Variants in KCNMB2 observed in about 807,000 individuals in gnomAD.
KCNMB2 encodes the protein potassium calcium-activated channel subfamily M regulatory beta subunit 2.
In KCNMB2, 9 loss-of-function variants were observed where a neutral mutation model predicts 24.5. That is an observed-to-expected ratio of 0.37 (90% CI 0.22 to 0.64). The LOEUF (loss-of-function observed/expected upper bound fraction) is 0.64. KCNMB2 is among the 30% of genes least tolerant of loss of function. The pLI is 0.63. For synonymous variants in KCNMB2, 109 were observed against 104.4 expected, an observed-to-expected ratio of 1.04 and a Z score of -0.27; for missense variants, 226 against 284.3, an observed-to-expected ratio of 0.79 and a Z score of 1.47.
intron 1 of KCNMB2, among the ~76,000 whole-genome samples, chr3:178,735,533 C>T (rs182450838): frequency 2.8e-4 from 42 of 152,292 alleles, no homozygotes; most frequent in African/African-American, 9.1e-4. Flanking sequence ...TTAAAACAAC[C>T]GAGTTCAAGT....
At chr3:178,765,368 C>T (rs1231641650) in intron 1 of KCNMB2, among the ~76,000 whole-genome samples, 1 of 152,216 alleles carries the variant, frequency 6.6e-6, no homozygotes, top group Non-Finnish European at 1.5e-5. Flanking sequence ...ATACTTACTA[C>T]AGCCTGGCTC....
In KCNMB2 at chr3:178,652,571, A is replaced by G. The variant is rs541898977; in HGVS notation, c.-68+115860A>G. 5.9e-5 allele frequency among the ~76,000 whole-genome samples: 9 copies of G among 152,140 alleles called. No individual in the cohort carries two copies. The South Asian group carries it at 1.5e-3, about 25-fold the overall frequency. The stretch of plus-strand genomic sequence containing the variant: ...AATGTTTAAATTTAATTAATTTAAT[A>G]ATGTTACGTATTTAATATTGTAAGG... On this transcript the variant is annotated intron_variant, in intron 1 of 4. Coordinates refer to ENST00000452583, the MANE Select transcript of KCNMB2 (RefSeq NM_181361.3).
chr3:178,572,603 T>C (rs1716845639), intron 1 of KCNMB2, among the ~76,000 whole-genome samples: 1 of 152,236 alleles, frequency 6.6e-6, no homozygotes, highest in Non-Finnish European at 1.5e-5. Flanking sequence ...TTGTGCATTT[T>C]GGTTGTTGAT....
intron 1 of KCNMB2, among the ~76,000 whole-genome samples, chr3:178,703,785 C>T (rs59589777): frequency 6.6e-6 from 1 of 152,088 alleles, no homozygotes; most frequent in African/African-American, 2.4e-5. Flanking sequence ...CATGTGGAAC[C>T]CAGCTTGCTG....
intron 2 of KCNMB2, among the ~76,000 whole-genome samples, chr3:178,810,528 T>C (rs1714144785): frequency 6.6e-6 from 1 of 152,230 alleles, no homozygotes; most frequent in African/African-American, 2.4e-5. Flanking sequence ...TGAAACCAAA[T>C]GTTTTTTTGC....
chr3:178,716,156 TAACA>T lies in KCNMB2; in HGVS notation c.-67-91186_-67-91183del, dbSNP rs138720680. ...TTCTGCAGTTTGATCACATACCCGCTAACAGTGAGTTTAGCTTCTCTTCCATATT... is the reference window on the plus strand; with the variant it reads ...TTCTGCAGTTTGATCACATACCCGCTGTGAGTTTAGCTTCTCTTCCATATT... On this transcript the variant is annotated intron_variant, in intron 1 of 4. Transcript: ENST00000452583. Among the ~76,000 whole-genome samples the T allele has an allele frequency of 3.6e-3, 544 of 152,366 alleles. 3 individuals carry two copies. The highest frequency in any genetic ancestry group is 0.012 in the African/African-American group (519 of 41,592).
intron 1 of KCNMB2, among the ~76,000 whole-genome samples, chr3:178,773,793 A>G (rs1003793232): frequency 6.6e-6 from 1 of 152,190 alleles, no homozygotes; most frequent in Admixed American, 6.5e-5. Context: ...AAGCCATTAC[A>G]TCTTCATTTC....
chr3:178,835,794 G>A (rs1042367114), intron 4 of KCNMB2, among the ~76,000 whole-genome samples: 1 of 151,938 alleles, frequency 6.6e-6, no homozygotes, highest in African/African-American at 2.4e-5. Flanking sequence ...GTACATGTGT[G>A]GCCCACCTCT....
chr3:178,619,827 A>G (rs1249839950), intron 1 of KCNMB2, among the ~76,000 whole-genome samples: 1 of 152,190 alleles, frequency 6.6e-6, no homozygotes, highest in African/African-American at 2.4e-5. Context: ...TGTGGGCAGA[A>G]TAATCTTTGT....
At chr3:178,658,723 T>C (rs1020012263) in intron 1 of KCNMB2, among the ~76,000 whole-genome samples, 8 of 152,190 alleles carry the variant, frequency 5.3e-5, no homozygotes, top group Non-Finnish European at 1.2e-4. Context: ...CTTTACTTCA[T>C]CCAGACTCCT....
At chr3:178,677,130 C>G (rs879220121) in intron 1 of KCNMB2, among the ~76,000 whole-genome samples, 1 of 152,192 alleles carries the variant, frequency 6.6e-6, no homozygotes. Flanking sequence ...ATGGTGTAAA[C>G]TTTGCCTCAG....
At chr3:178,647,661 A>T (rs1227633563) in intron 1 of KCNMB2, among the ~76,000 whole-genome samples, 1 of 152,228 alleles carries the variant, frequency 6.6e-6, no homozygotes, top group East Asian at 1.9e-4. Flanking sequence ...ATAATAGTTA[A>T]GTAGGCTTCC....
chr3:178,794,200 C>T (rs55640706), intron 1 of KCNMB2, among the ~76,000 whole-genome samples: 21,395 of 152,130 alleles, frequency 0.14, 1,835 homozygotes, highest in Non-Finnish European at 0.18. Flanking sequence ...GCCCTTCACA[C>T]GTCTGCTCTG....
intron 4 of KCNMB2, among the ~76,000 whole-genome samples, chr3:178,830,845 G>A (rs971744713): frequency 5.9e-5 from 9 of 152,234 alleles, no homozygotes; most frequent in Non-Finnish European, 7.4e-5. Context: ...TATATGTGTT[G>A]TAAATATCTT....
intron 1 of KCNMB2, among the ~76,000 whole-genome samples, chr3:178,691,105 G>GTATTTT (rs1310077931): frequency 3.0e-4 from 10 of 32,964 alleles, no homozygotes; most frequent in African/African-American, 1.2e-3. Flanking sequence ...TCCCCATTAA[G>GTATTTT]TCTTTTTTTT....
At chr3:178,800,400 A>G (rs1713729264) in intron 1 of KCNMB2, among the ~76,000 whole-genome samples, 1 of 152,190 alleles carries the variant, frequency 6.6e-6, no homozygotes, top group Non-Finnish European at 1.5e-5. Flanking sequence ...ATAGACATAC[A>G]AATGGCAAAC....
chr3:178,783,090 T>C (rs1323749489), intron 1 of KCNMB2, among the ~76,000 whole-genome samples: 1 of 151,176 alleles, frequency 6.6e-6, no homozygotes, highest in Non-Finnish European at 1.5e-5. Flanking sequence ...TTGTCAAAGA[T>C]CAGATAGTTG....
At chr3:178,590,523 T>C (rs1469737252) in intron 1 of KCNMB2, among the ~76,000 whole-genome samples, 9 of 152,226 alleles carry the variant, frequency 5.9e-5, no homozygotes, top group African/African-American at 1.9e-4. Flanking sequence ...AAATCACTCA[T>C]TGTCCTACCA....
At chr3:178,645,330 A>T (rs1336290733) in intron 1 of KCNMB2, among the ~76,000 whole-genome samples, 1 of 151,992 alleles carries the variant, frequency 6.6e-6, no homozygotes, top group Non-Finnish European at 1.5e-5. Context: ...GATTACAAGT[A>T]TGAGCCACCG....
Sources: allele counts gnomAD v4.1 joint callset (sites outside exome capture counted in the v4.1 genomes callset), GRCh38; gene constraint gnomAD v4.1.1; transcripts MANE v1.5; gene names NCBI Gene and HGNC (gene_info 2026-07-23, HGNC 2026-07-21).